Variants in AGBL4 observed in about 807,000 individuals in gnomAD.
AGBL4 encodes the protein cytosolic carboxypeptidase 6.
Under a neutral mutation model 66.4 loss-of-function variants are expected in AGBL4, and 58 were observed. That is an observed-to-expected ratio of 0.87 (90% CI 0.71 to 1.09). The LOEUF is 1.09. AGBL4 is among the 50% of genes least tolerant of loss of function. The pLI is 0.00. For missense variants in AGBL4, 579 were observed against 631.0 expected (o/e 0.92, Z 0.88); for synonymous variants, 234 against 222.9 (o/e 1.05, Z -0.44).
rs1308840624 is a variant in AGBL4, at chr1:49,534,028, C to CCCCTCTTTAGAGGGG, written c.282+163284_282+163285insCCCCTCTAAAGAGGG. ...AAAGAGGGGTCAAATTTCTATAATA[C>CCCCTCTTTAGAGGGG]TCTATCAACTTTCTAAGTATAACCA... On this transcript the variant is annotated intron_variant, in intron 3 of 13. Coordinates refer to ENST00000371839, the MANE Select transcript of AGBL4 (RefSeq NM_032785.4). Among the ~76,000 whole-genome samples the CCCCTCTTTAGAGGGG allele has an allele frequency of 2.1e-4, 32 of 152,090 alleles. No homozygotes were observed. The East Asian group carries it at 5.8e-3, about 28-fold the overall frequency.
intron 3 of AGBL4, among the ~76,000 whole-genome samples, chr1:49,470,532 T>C (rs2148711604): frequency 6.6e-6 from 1 of 152,114 alleles, no homozygotes; most frequent in East Asian, 1.9e-4. Flanking sequence ...CAGGTGGAAC[T>C]TGACTCTGGA....
At chr1:49,458,251 T>C (rs1646434287) in intron 3 of AGBL4, among the ~76,000 whole-genome samples, 1 of 151,822 alleles carries the variant, frequency 6.6e-6, no homozygotes, top group African/African-American at 2.4e-5. Flanking sequence ...TAATTTTCCT[T>C]ACAGAGGTCT....
At chr1:48,819,052 A>G (rs989418792) in intron 6 of AGBL4, among the ~76,000 whole-genome samples, 1 of 152,194 alleles carries the variant, frequency 6.6e-6, no homozygotes, top group Admixed American at 6.5e-5. Context: ...GCTTCATGAA[A>G]TATTGAAGAA....
chr1:49,275,648 T>C (rs1644153185), intron 3 of AGBL4, among the ~76,000 whole-genome samples: 1 of 152,178 alleles, frequency 6.6e-6, no homozygotes, highest in Admixed American at 6.6e-5. Flanking sequence ...AAACCTATAG[T>C]ATACCTGTTA....
intron 3 of AGBL4, among the ~76,000 whole-genome samples, chr1:49,534,171 C>CAA (rs71059553): frequency 0.032 from 2,132 of 66,978 alleles, 120 homozygotes; most frequent in Middle Eastern, 0.068. Context: ...CACCATTTTA[C>CAA]AAAAAAAAAA....
At chr1:48,603,871 C>T (rs561339197) in intron 9 of AGBL4, among the ~76,000 whole-genome samples, 12 of 151,920 alleles carry the variant, frequency 7.9e-5, no homozygotes, top group Non-Finnish European at 1.3e-4. Context: ...TTTGGGAGAC[C>T]GAGGTAGGTG....
intron 3 of AGBL4, among the ~76,000 whole-genome samples, chr1:49,305,002 A>G (rs1229933520): frequency 6.6e-6 from 1 of 152,174 alleles, no homozygotes; most frequent in African/African-American, 2.4e-5. Flanking sequence ...GATATTAGTT[A>G]ATTTAATCCT....
At chr1:48,806,451 T>G (rs1645925529) in intron 6 of AGBL4, among the ~76,000 whole-genome samples, 1 of 152,178 alleles carries the variant, frequency 6.6e-6, no homozygotes, top group Admixed American at 6.5e-5. Context: ...AAATAGCCAT[T>G]CACATTGAGC....
chr1:49,296,500 T>C (rs1644645841), intron 3 of AGBL4, among the ~76,000 whole-genome samples: 1 of 152,230 alleles, frequency 6.6e-6, no homozygotes, highest in African/African-American at 2.4e-5. Flanking sequence ...TAACCATTAC[T>C]TTCTCTGTGA....
chr1:48,639,044 G>A (rs1309934923), intron 8 of AGBL4, among the ~76,000 whole-genome samples: 1 of 152,134 alleles, frequency 6.6e-6, no homozygotes, highest in African/African-American at 2.4e-5. Context: ...CTGCTTCCAG[G>A]AAACCTCTGA....
At chr1:49,849,125 T>C (rs1005033126) in intron 2 of AGBL4, among the ~76,000 whole-genome samples, 4 of 152,122 alleles carry the variant, frequency 2.6e-5, no homozygotes, top group African/African-American at 9.7e-5. Context: ...AAGGAGACCT[T>C]TACTTTCTGT....
chr1:49,605,240 T>C (rs1402843420), intron 3 of AGBL4, among the ~76,000 whole-genome samples: 1 of 152,084 alleles, frequency 6.6e-6, no homozygotes, highest in Admixed American at 6.6e-5. Context: ...GGTAAGAGAA[T>C]AAACAAGGAC....
intron 5 of AGBL4, among the ~76,000 whole-genome samples, chr1:48,942,005 A>G (rs1459895038): frequency 6.6e-6 from 1 of 152,168 alleles, no homozygotes; most frequent in African/African-American, 2.4e-5. Context: ...AAACCATGGG[A>G]CCTCTGGAGA....
rs192550860 is a variant in AGBL4, at chr1:49,431,596, A to G, written c.283-185732T>C. Among the ~76,000 whole-genome samples the G allele has an allele frequency of 2.0e-5, 3 of 152,326 alleles. No homozygotes were observed. In the East Asian group the frequency reaches 5.8e-4, roughly 29 times the overall value. On this transcript the variant is annotated intron_variant, in intron 3 of 13. Coordinates refer to ENST00000371839, the MANE Select transcript of AGBL4 (RefSeq NM_032785.4). ...TTATCAAGTGATTGAGAAGGACACC[A>G]GCAAATCCAGCATTTTGTACATCTC...
intron 1 of AGBL4, among the ~76,000 whole-genome samples, chr1:50,001,833 C>A (rs1158588976): frequency 1.3e-5 from 2 of 152,108 alleles, no homozygotes; most frequent in Non-Finnish European, 2.9e-5. Context: ...GACAATCAAT[C>A]TAATCTAATT....
intron 2 of AGBL4, among the ~76,000 whole-genome samples, chr1:49,705,289 T>C (rs923885115): frequency 1.3e-5 from 2 of 152,220 alleles, no homozygotes; most frequent in African/African-American, 4.8e-5. Context: ...ATCCTGTGAC[T>C]TTGCTGAAGT....
intron 6 of AGBL4, among the ~76,000 whole-genome samples, chr1:48,858,460 T>C (rs1647237405): frequency 1.3e-5 from 2 of 152,158 alleles, no homozygotes; most frequent in East Asian, 3.8e-4. Flanking sequence ...AAAAAATAAA[T>C]TGTGGTGTAT....
At chr1:49,822,867 T>C (rs1645406000) in intron 2 of AGBL4, among the ~76,000 whole-genome samples, 1 of 152,176 alleles carries the variant, frequency 6.6e-6, no homozygotes, top group Non-Finnish European at 1.5e-5. Flanking sequence ...GGCACACAAA[T>C]AGACTTCATT....
chr1:50,002,353 C>T (rs1222724106), intron 1 of AGBL4, among the ~76,000 whole-genome samples: 1 of 144,208 alleles, frequency 6.9e-6, no homozygotes, highest in African/African-American at 2.6e-5. Flanking sequence ...TAAATCTGCC[C>T]TAGTTCTTTT....
Sources: allele counts gnomAD v4.1 joint callset (sites outside exome capture counted in the v4.1 genomes callset), GRCh38; gene constraint gnomAD v4.1.1; transcripts MANE v1.5; gene names NCBI Gene and HGNC (gene_info 2026-07-23, HGNC 2026-07-21).